DPEP2: variants seen among roughly 807,000 people sequenced by gnomAD.
The protein encoded by DPEP2 is dipeptidase 2.
DPEP2 carries 45 observed loss-of-function variants against 51.8 expected under a neutral mutation model. That is an observed-to-expected ratio of 0.87 (90% CI 0.68 to 1.11). The LOEUF (loss-of-function observed/expected upper bound fraction) is 1.11. Among genes scored for constraint, DPEP2 ranks in the 50% most tolerant of loss-of-function variants. The pLI is 0.00. For synonymous variants in DPEP2, 255 were observed against 262.7 expected (o/e 0.97, Z 0.28); for missense variants, 604 against 631.9 (o/e 0.96, Z 0.47).
intron 1 of DPEP2, among the ~76,000 whole-genome samples, chr16:67,996,195 C>A (rs2032683459): frequency 6.8e-6 from 1 of 146,626 alleles, no homozygotes. Context: ...CGCCACCACA[C>A]TCGGCTATTT....
chr16:67,989,989 C>T, intron 8 of DPEP2, 58 bp downstream of exon 8: 1 of 1,583,780 alleles, frequency 6.3e-7, no homozygotes, highest in Non-Finnish European at 8.7e-7. Context: ...TCCTGGGGCC[C>T]TCCCAAGTCT....
intron 7 of DPEP2, among the ~76,000 whole-genome samples, 192 bp from the exon 8 acceptor site, chr16:67,990,323 T>C (rs1195240776): frequency 6.6e-6 from 1 of 152,130 alleles, no homozygotes; most frequent in Non-Finnish European, 1.5e-5. Flanking sequence ...GCACTTGCTT[T>C]GAGGAGTAGA....
rs926091448 is a variant in DPEP2 at position 67,993,108 on chromosome 16, G to A, written c.105C>T (p.Thr35=). ...TGAGGGCTCTGGGGGGGCCTGGCGT[G>A]GTGTAGGCACAGGTTACAGGCTGGA... The part of the protein sequence containing the change: ...LLLQPVTCAY[T]TPGPPRALTT... The change falls in exon 2 of 11, where the codon ACC becomes ACT. Residue 35 remains threonine (T), a synonymous_variant. Coordinates refer to ENST00000393847, the MANE Select transcript of DPEP2 (RefSeq NM_022355.4). 6.4e-7 allele frequency: 1 copy of A among 1,565,444 alleles called. No individual in the cohort carries two copies. Among genetic ancestry groups the A allele is most frequent in the Non-Finnish European group, 8.7e-7 (1 of 1,154,496 alleles).
intron 1 of DPEP2, among the ~76,000 whole-genome samples, chr16:67,998,968 A>C (rs2032868874): frequency 1.3e-5 from 2 of 152,142 alleles, no homozygotes; most frequent in East Asian, 1.9e-4. Flanking sequence ...GTCAAAACAG[A>C]CCACTCGGCT....
At chr16:68,000,052 GCA>G (rs1027768837), upstream of DPEP2, among the ~76,000 whole-genome samples, 1 of 152,152 alleles carries the variant, frequency 6.6e-6, no homozygotes, top group Non-Finnish European at 1.5e-5. Flanking sequence ...TCAGCAAATA[GCA>G]CAAACTTTCC....
At chr16:67,992,043 G>A (rs141244147) in intron 4 of DPEP2, 21 bp downstream of exon 4, 347 of 1,614,022 alleles carry the variant, frequency 2.1e-4, no homozygotes, top group Non-Finnish European at 2.8e-4. Flanking sequence ...AGTTCCTAAC[G>A]CTTCCCATCA....
chr16:67,989,977 A>G, intron 8 of DPEP2, 70 bp downstream of exon 8: 3 of 1,520,998 alleles, frequency 2.0e-6, no homozygotes, highest in Non-Finnish European at 2.7e-6. Context: ...CCACTGGGAC[A>G]GTCCTGGGGC....
chr16:67,992,980 G>A lies in DPEP2; in HGVS notation c.233C>T (p.Ala78Val), dbSNP rs2032368517. 4 of 1,611,020 alleles carry A rather than the reference G, an allele frequency of 2.5e-6. No individual in the cohort carries two copies. In the Admixed American group the frequency reaches 6.7e-5, roughly 27 times the overall value. Residue 78 changes from alanine (A) to valine (V), a missense_variant, in exon 2 of 11, where the codon GCC becomes GTC. Transcript: ENST00000393847. ...CACGAGCGGGAAGTCCCGCATCAGG[G>A]CCCGTGCCTGCTCTTGCAGGCCCTG... Reference protein sequence around the residue: ...STQGLQEQARALMRDFPLVDG... With the variant: ...STQGLQEQARVLMRDFPLVDG...
At chr16:67,996,995 AATG>A (rs2032733319) in intron 1 of DPEP2, among the ~76,000 whole-genome samples, 2 of 135,564 alleles carry the variant, frequency 1.5e-5, no homozygotes, top group Non-Finnish European at 3.1e-5. Context: ...AAAAATAGAT[AATG>A]ATATTATTAT....
In DPEP2 at chr16:67,991,238, G is replaced by T. The variant is rs896258186; in HGVS notation, c.663-54C>A. ...TGGTAGCTGTTCCTCGGCCTCAAGA[G>T]TCTAGAGGCCCTACCCACCCTCCAT... On this transcript the variant is annotated intron_variant, in intron 5 of 10. Coordinates refer to ENST00000393847, the MANE Select transcript of DPEP2 (RefSeq NM_022355.4). This position sits in a 1 kb window ranked among gnomAD's most constrained non-coding sequence, Gnocchi z 5.1. The T allele has an allele frequency of 1.3e-6, 2 of 1,569,134 alleles. No individual in the cohort carries two copies. Among genetic ancestry groups the T allele is most frequent in the Non-Finnish European group, 1.7e-6 (2 of 1,144,484 alleles).
rs746747602 is a variant in DPEP2 at position 67,993,095 on chromosome 16, G to C, written c.118C>G (p.Pro40Ala). Reference protein sequence around the residue: ...VTCAYTTPGPPRALTTLGAPR... With the variant: ...VTCAYTTPGPARALTTLGAPR... ...GCGCCCAGCGTGGTGAGGGCTCTGG[G>C]GGGGCCTGGCGTGGTGTAGGCACAG... Residue 40 changes from proline to alanine, a missense_variant, in exon 2 of 11, where the codon CCC becomes GCC. Transcript: ENST00000393847. The C allele has an allele frequency of 1.7e-5, 27 of 1,569,678 alleles. No homozygotes were observed. The highest frequency in any genetic ancestry group is 2.4e-5 in the East Asian group (1 of 42,508).
intron 9 of DPEP2, 159 bp from the exon 10 acceptor site, chr16:67,988,146 G>T: frequency 3.6e-6 from 3 of 842,678 alleles, no homozygotes; most frequent in Middle Eastern, 2.3e-4. Flanking sequence ...TTCAGAAGGA[G>T]GCCTCAAAAC....
At chr16:67,998,872 G>C (rs989231168) in intron 1 of DPEP2, among the ~76,000 whole-genome samples, 3 of 152,094 alleles carry the variant, frequency 2.0e-5, no homozygotes, top group East Asian at 1.9e-4. Flanking sequence ...CCTTTGTGTC[G>C]ACACTCTGTA....
Position 67,989,322 on chromosome 16 carries a change from C to G in DPEP2, c.1070+1G>C. 1 of 1,614,178 alleles carries G rather than the reference C, an allele frequency of 6.2e-7. No individual in the cohort carries two copies. The highest frequency in any genetic ancestry group is 8.5e-7 in the Non-Finnish European group (1 of 1,180,020). On this transcript the variant is annotated splice_donor_variant, in intron 9 of 10. Transcript: ENST00000393847. LOFTEE classifies it high-confidence loss of function. ...AGACAAGCCACAGGGAAGGCACTCACTTGCCGGCCCCATCATAATCTCCAC... is the reference window on the plus strand; with the variant it reads ...AGACAAGCCACAGGGAAGGCACTCAGTTGCCGGCCCCATCATAATCTCCAC...
At chr16:67,989,439 C>G in intron 8 of DPEP2, 41 bp from the exon 9 acceptor site, 1 of 1,608,728 alleles carries the variant, frequency 6.2e-7, no homozygotes, top group South Asian at 1.1e-5. Flanking sequence ...CGTAGGGCTT[C>G]CAGGGCAGGG....
chr16:67,990,094 A>G lies in DPEP2; in HGVS notation c.947T>C (p.Met316Thr). Residue 316 changes from methionine (M) to threonine (T), a missense_variant, in exon 8 of 11, where the codon ATG (methionine) becomes ACG (threonine). Coordinates refer to ENST00000393847, the MANE Select transcript of DPEP2 (RefSeq NM_022355.4). ...TGATGGGTTGCACTGTATTACTCCC[A>G]TGGACAAAGACACCATCACGACGCC... ...NGGVVMVSLS[M>T]GVIQCNPSAN... 6.2e-7 allele frequency: 1 copy of G among 1,614,148 alleles called. No individual in the cohort carries two copies.
Position 67,999,361 on chromosome 16 carries a change from T to C in DPEP2, c.-46+14A>G. On this transcript the variant is annotated intron_variant, in intron 1 of 10. Transcript: ENST00000393847. The stretch of plus-strand genomic sequence containing the variant: ...CATCCAAACATCAAAAGAAACAAAC[T>C]CCAGACGCGCTACCTTAAGAGCTGT... The C allele has an allele frequency of 2.2e-6, 1 of 445,042 alleles. No individual in the cohort carries two copies. Among genetic ancestry groups the C allele is most frequent in the Non-Finnish European group, 3.0e-6 (1 of 335,858 alleles). The allele number at this position is 445,042 out of a possible 1,614,324, so 27.6% of individuals were successfully genotyped here. A position where few individuals can be genotyped will look rare whatever the true frequency, so the allele number is the denominator to read the frequency against.
rs2032199678 is a variant in DPEP2 at position 67,991,878 on chromosome 16, C to T, written c.622G>A (p.Val208Met). 1 of 1,614,170 alleles carries T rather than the reference C, an allele frequency of 6.2e-7. No individual in the cohort carries two copies. The highest frequency in any genetic ancestry group is 1.6e-4 in the Middle Eastern group (1 of 6,062). ...GTGTGGGTGAGCGTCAGGTAGCGCA[C>T]TCCCAGCATGTAGAAGGTACGTAAG... Reference protein sequence around the residue: ...SILRTFYMLGVRYLTLTHTCN... With the variant: ...SILRTFYMLGMRYLTLTHTCN... Residue 208 changes from valine to methionine, a missense_variant, in exon 5 of 11, where the codon GTG (valine) becomes ATG (methionine). By Grantham distance (21) the Val-to-Met change is conservative. Coordinates refer to ENST00000393847, the MANE Select transcript of DPEP2 (RefSeq NM_022355.4). The surrounding 1 kb of genome is among the most constrained non-coding windows in gnomAD (Gnocchi z 5.1).
rs2032039971 is a variant in DPEP2 at position 67,990,810 on chromosome 16, C to T, written c.909+11G>A. On this transcript the variant is annotated intron_variant, in intron 7 of 10. Transcript: ENST00000393847. ...TCTTGCTTTAGGTTCCTGGGCTGGG[C>T]AGTTTCTCACCAGAAGCTGCAGGAT... 1 of 1,607,864 alleles carries T rather than the reference C, an allele frequency of 6.2e-7. No homozygotes were observed. The highest frequency in any genetic ancestry group is 2.2e-5 in the East Asian group (1 of 44,738).
Sources: allele counts gnomAD v4.1 joint callset (sites outside exome capture counted in the v4.1 genomes callset), GRCh38; gene constraint gnomAD v4.1.1; non-coding constraint Gnocchi (gnomAD v3.1); transcripts MANE v1.5; gene names NCBI Gene and HGNC (gene_info 2026-07-23, HGNC 2026-07-21).